The following UTRN variants were observed in gnomAD, a reference collection of about 807,000 sequenced individuals.
UTRN encodes the protein dystrophin-related protein 1.
In UTRN, 283 loss-of-function variants were observed where a neutral mutation model predicts 463.9. The observed-to-expected ratio is 0.61, with a 90% CI of 0.55 to 0.67. UTRN has a LOEUF of 0.67. Among genes scored for constraint, UTRN ranks in the 30% least tolerant of loss-of-function variants. UTRN has a pLI of 0.00. For missense variants in UTRN, 3,922 were observed against 4,084.3 expected (o/e 0.96, Z 1.08); for synonymous variants, 1,442 against 1,431.5 (o/e 1.01, Z -0.17).
At chr6:144,682,147 C>T (rs1782267958) in intron 52 of UTRN, among the ~76,000 whole-genome samples, 1 of 152,116 alleles carries the variant, frequency 6.6e-6, no homozygotes, top group East Asian at 1.9e-4. Context: ...CCCCCTGCCC[C>T]ACCAACTACC....
intron 2 of UTRN, among the ~76,000 whole-genome samples, chr6:144,338,192 C>A (rs1222446096): frequency 6.6e-6 from 1 of 151,812 alleles, no homozygotes; most frequent in Non-Finnish European, 1.5e-5. Context: ...TGAACCATAC[C>A]AACAGTCGCA....
At chr6:144,836,708 A>G in intron 71 of UTRN, 167 bp downstream of exon 71, 1 of 1,060,218 alleles carries the variant, frequency 9.4e-7, no homozygotes, top group Non-Finnish European at 1.3e-6. Flanking sequence ...TAAGCATATA[A>G]ATCCTCATTG....
At chr6:144,353,858 A>C (rs932176788) in intron 2 of UTRN, among the ~76,000 whole-genome samples, 1 of 152,032 alleles carries the variant, frequency 6.6e-6, no homozygotes, top group Non-Finnish European at 1.5e-5. Context: ...CAAACAAACA[A>C]ACACACACAA....
chr6:144,537,183 C>T (rs759463783), intron 43 of UTRN, among the ~76,000 whole-genome samples: 4 of 151,986 alleles, frequency 2.6e-5, no homozygotes, highest in South Asian at 4.1e-4. Flanking sequence ...TTTCAATATT[C>T]GTGAAACACT....
At chr6:144,402,978 G>GCCT in intron 2 of UTRN, 145 bp from the exon 3 acceptor site, 3 of 709,234 alleles carry the variant, frequency 4.2e-6, no homozygotes, top group Non-Finnish European at 7.3e-6. Flanking sequence ...ATCACATTCT[G>GCCT]CATTAGCTCC....
chr6:144,735,268 C>A (rs1789248356), intron 54 of UTRN, among the ~76,000 whole-genome samples: 1 of 152,096 alleles, frequency 6.6e-6, no homozygotes, highest in Non-Finnish European at 1.5e-5. Context: ...GAGGTTGATT[C>A]CTGAGCTAGT....
At chr6:144,755,653 CTTTCA>C (rs1791912646) in intron 57 of UTRN, among the ~76,000 whole-genome samples, 1 of 152,070 alleles carries the variant, frequency 6.6e-6, no homozygotes, top group South Asian at 2.1e-4. Flanking sequence ...AATTCCTTTC[CTTTCA>C]TTTCCTTTAG....
chr6:144,734,132 C>T (rs762259616), intron 54 of UTRN, among the ~76,000 whole-genome samples: 1 of 152,212 alleles, frequency 6.6e-6, no homozygotes, highest in Middle Eastern at 3.4e-3. Flanking sequence ...CTCCCCTGGC[C>T]GCCATCACCA....
At chr6:144,814,405 TCTGTTATAGCAGA>T (rs1346623992) in intron 65 of UTRN, among the ~76,000 whole-genome samples, 6 of 152,332 alleles carry the variant, frequency 3.9e-5, no homozygotes, top group African/African-American at 1.2e-4. Context: ...TCTATAGTAT[TCTGTTATAGCAGA>T]CTGAATAGAT....
intron 8 of UTRN, 102 bp from the exon 9 acceptor site, chr6:144,429,479 T>A (rs1314501769): frequency 1.9e-6 from 2 of 1,033,052 alleles, no homozygotes; most frequent in East Asian, 2.5e-5. Context: ...TATTAGGTAT[T>A]GTTTATGGGT....
chr6:144,492,579 C>A (rs1463679581), intron 32 of UTRN, among the ~76,000 whole-genome samples: 1 of 152,160 alleles, frequency 6.6e-6, no homozygotes, highest in African/African-American at 2.4e-5. Flanking sequence ...ATGTTTAGTT[C>A]TTTGAGATAT....
chr6:144,316,115 C>T (rs888293401), intron 2 of UTRN, among the ~76,000 whole-genome samples: 15 of 152,146 alleles, frequency 9.9e-5, no homozygotes, highest in African/African-American at 3.1e-4. Context: ...TCTGGGAGGC[C>T]GAGGCAGGAG....
At chr6:144,544,179 G>A (rs1048571277) in intron 46 of UTRN, among the ~76,000 whole-genome samples, 1 of 152,148 alleles carries the variant, frequency 6.6e-6, no homozygotes, top group African/African-American at 2.4e-5. Context: ...TCGTCCTTGG[G>A]ATAGGCCTGA....
At chr6:144,389,617 G>T (rs1419959625) in intron 2 of UTRN, among the ~76,000 whole-genome samples, 1 of 150,334 alleles carries the variant, frequency 6.7e-6, no homozygotes, top group African/African-American at 2.5e-5. Context: ...TTCCCCCCCT[G>T]AGACGGGGTC....
intron 3 of UTRN, among the ~76,000 whole-genome samples, chr6:144,406,668 C>T (rs1381585602): frequency 2.0e-5 from 3 of 152,092 alleles, no homozygotes; most frequent in Non-Finnish European, 4.4e-5. Flanking sequence ...CGCCCGGCCT[C>T]CCCTTCCATT....
intron 58 of UTRN, among the ~76,000 whole-genome samples, chr6:144,765,912 C>G (rs1396741357): frequency 6.6e-6 from 1 of 151,838 alleles, no homozygotes; most frequent in African/African-American, 2.4e-5. Flanking sequence ...ATTCTGACCT[C>G]CACGCTTCTT....
At chr6:144,540,514 C>T (rs114571918) in intron 45 of UTRN, among the ~76,000 whole-genome samples, 1,822 of 152,246 alleles carry the variant, frequency 0.012, 9 homozygotes, top group Middle Eastern at 0.034. Flanking sequence ...TGGTCTGGAC[C>T]TTTCTCCATA....
chr6:144,824,619 T>C lies in UTRN; in HGVS notation c.9495-2729T>C, dbSNP rs1292539471. 3.1e-4 allele frequency among the ~76,000 whole-genome samples: 31 copies of C among 101,622 alleles called. 1 individual carries two copies. The highest frequency in any genetic ancestry group is 5.5e-4 in the East Asian group (2 of 3,668). The allele number at this position is 101,622 out of a possible 152,430, so 66.7% of individuals were successfully genotyped here. ...ATATATATATATATATATATCTTTT[T>C]TTTTTTTTTTTTTTTTTTGAGACGG... On this transcript the variant is annotated intron_variant, in intron 66 of 74. Transcript: ENST00000367545.
At chr6:144,573,540 A>G (rs1170137221) in intron 50 of UTRN, among the ~76,000 whole-genome samples, 1 of 151,984 alleles carries the variant, frequency 6.6e-6, no homozygotes, top group Non-Finnish European at 1.5e-5. Context: ...TTAAAAAAAT[A>G]CAAAAATTAG....
Sources: gnomAD v4.1 joint callset for allele counts (sites outside exome capture counted in the v4.1 genomes callset) on GRCh38, gnomAD v4.1.1 for gene constraint, MANE v1.5 for transcripts, NCBI Gene and HGNC (gene_info 2026-07-23, HGNC 2026-07-21) for gene names.